Variants in RAB8B observed in about 807,000 individuals in gnomAD.
The protein encoded by RAB8B is ras-related protein Rab-8B.
In RAB8B, 11 loss-of-function variants were observed where a neutral mutation model predicts 32.0. That is an observed-to-expected ratio of 0.34 (90% CI 0.22 to 0.57). The LOEUF (loss-of-function observed/expected upper bound fraction) is 0.57, where lower values mean the gene tolerates loss of function less well. Ranked by LOEUF, RAB8B falls within the 20% of genes least tolerant of loss-of-function variation. The probability of loss-of-function intolerance (pLI) is 0.86; values close to 1 mark genes in which losing one functional copy is unlikely to be tolerated. For synonymous variants in RAB8B, 103 were observed against 89.6 expected (o/e 1.15, Z -0.85); for missense variants, 190 against 258.5 (o/e 0.73, Z 1.82).
Position 63,216,960 on chromosome 15 carries a change from A to G in RAB8B, c.124+27212A>G, listed in dbSNP as rs139255768. ...GTCTCTGTTGCTAACACACTGGGGG[A>G]CTTTTGCTAGAGAGAAGTTGGCCTC... On this transcript the variant is annotated intron_variant, in intron 1 of 7. Coordinates refer to ENST00000321437, the MANE Select transcript of RAB8B (RefSeq NM_016530.3). 6.1e-4 allele frequency among the ~76,000 whole-genome samples: 92 copies of G among 151,364 alleles called. 1 individual carries two copies. The East Asian group carries it at 0.014, about 22-fold the overall frequency.
chr15:63,241,329 A>G (rs1431596668), intron 1 of RAB8B, among the ~76,000 whole-genome samples: 4 of 152,244 alleles, frequency 2.6e-5, no homozygotes, highest in African/African-American at 9.6e-5. Flanking sequence ...AGCCTGCACA[A>G]CAGAAGGAGA....
At chr15:63,251,254 A>G (rs1197665706) in intron 3 of RAB8B, 9 of 455,876 alleles carry the variant, frequency 2.0e-5, no homozygotes, top group South Asian at 1.2e-4. Flanking sequence ...CCAGGAAGAC[A>G]TTTGTTTGTT....
At chr15:63,244,027 G>A (rs1365317603) in intron 1 of RAB8B, among the ~76,000 whole-genome samples, 2 of 152,140 alleles carry the variant, frequency 1.3e-5, no homozygotes, top group Non-Finnish European at 2.9e-5. Context: ...CGTTCATACA[G>A]GCTCCACATG....
intron 1 of RAB8B, among the ~76,000 whole-genome samples, chr15:63,209,956 T>G (rs2037734256): frequency 6.6e-6 from 1 of 152,060 alleles, no homozygotes; most frequent in African/African-American, 2.4e-5. Context: ...TGTGTCCATG[T>G]GTTCTCATTG....
chr15:63,249,520 A>T (rs2038097539), intron 2 of RAB8B, 125 bp from the exon 3 acceptor site: 1 of 825,490 alleles, frequency 1.2e-6, no homozygotes, highest in African/African-American at 1.7e-5. Context: ...TCTGTGTCTC[A>T]TTCTCCTTTC....
chr15:63,223,783 C>T (rs958474603), intron 1 of RAB8B: 8 of 343,646 alleles, frequency 2.3e-5, no homozygotes, highest in Non-Finnish European at 3.5e-5. Flanking sequence ...CTGACTAGAC[C>T]CTGACTGATA....
intron 6 of RAB8B, among the ~76,000 whole-genome samples, chr15:63,261,354 A>G (rs2038202353): frequency 6.6e-6 from 1 of 152,192 alleles, no homozygotes; most frequent in South Asian, 2.1e-4. Flanking sequence ...CACTATGGAG[A>G]ACAATAAAAA....
rs56015501 is a variant in RAB8B, at chr15:63,229,780, C to CAAAAAA, written c.125-14951_125-14946dup. Among the ~76,000 whole-genome samples the CAAAAAA allele has an allele frequency of 7.0e-3, 252 of 35,972 alleles. 96 individuals are homozygous for CAAAAAA. Among genetic ancestry groups the CAAAAAA allele is most frequent in the East Asian group, 0.015 (32 of 2,140 alleles). The allele number at this position is 35,972 out of a possible 152,430, so 23.6% of individuals were successfully genotyped here. A position where few individuals can be genotyped will look rare whatever the true frequency, so the allele number is the denominator to read the frequency against. ...TAGGTGACAGAGCAAGACGCTGTTTCAAAAAAAAAAAAAAAAAAAAAAAAA... is the reference window on the plus strand; with the variant it reads ...TAGGTGACAGAGCAAGACGCTGTTTCAAAAAAAAAAAAAAAAAAAAAAAAAAAAAAA... On this transcript the variant is annotated intron_variant, in intron 1 of 7. Coordinates refer to ENST00000321437, the MANE Select transcript of RAB8B (RefSeq NM_016530.3).
intron 5 of RAB8B, among the ~76,000 whole-genome samples, chr15:63,257,467 G>A (rs1034915499): frequency 3.3e-5 from 5 of 151,744 alleles, no homozygotes; most frequent in African/African-American, 7.3e-5. Flanking sequence ...CGGTTTTGCC[G>A]TGCTGGCCAG....
At chr15:63,255,019 A>G (rs1405002539) in intron 3 of RAB8B, among the ~76,000 whole-genome samples, 1 of 152,252 alleles carries the variant, frequency 6.6e-6, no homozygotes, top group Admixed American at 6.5e-5. Context: ...ATGTACTTAG[A>G]TAAATAGTGA....
chr15:63,239,688 G>C (rs1488023089), intron 1 of RAB8B, among the ~76,000 whole-genome samples: 10 of 152,110 alleles, frequency 6.6e-5, no homozygotes, highest in Admixed American at 6.5e-4. Context: ...GATTACAGGC[G>C]TGAGCCACCG....
rs577197261 is a variant in RAB8B, at chr15:63,216,974, G to A, written c.124+27226G>A. ...CACACTGGGGGACTTTTGCTAGAGA[G>A]AAGTTGGCCTCTGACTAGATGCACA... On this transcript the variant is annotated intron_variant, in intron 1 of 7. Transcript: ENST00000321437. Among the ~76,000 whole-genome samples the A allele has an allele frequency of 6.6e-5, 10 of 152,236 alleles. No individual in the cohort carries two copies. In the South Asian group the frequency reaches 1.7e-3, roughly 25 times the overall value.
At position 63,248,950 on chromosome 15, in the gene RAB8B, A is replaced by G. The variant is rs2038092881; in HGVS notation, c.186-695A>G. ...TAACTTCCTTTATAGGATTGCTTCT[A>G]TAAATGAAATCAGAAACTCTTATAT... On this transcript the variant is annotated intron_variant, in intron 2 of 7. Transcript: ENST00000321437. The surrounding 1 kb of genome is among the most constrained non-coding windows in gnomAD (Gnocchi z 4.4). Among the ~76,000 whole-genome samples the G allele has an allele frequency of 6.6e-6, 1 of 152,234 alleles. No individual in the cohort carries two copies. Among genetic ancestry groups the G allele is most frequent in the Admixed American group, 6.5e-5 (1 of 15,288 alleles).
At chr15:63,253,871 A>G (rs2038138034) in intron 3 of RAB8B, among the ~76,000 whole-genome samples, 1 of 152,124 alleles carries the variant, frequency 6.6e-6, no homozygotes, top group Non-Finnish European at 1.5e-5. Flanking sequence ...GGGCTGGCTG[A>G]CTGGGTTGTA....
In RAB8B at chr15:63,266,341, A is replaced by G. The variant is rs936487376; in HGVS notation, c.*2722A>G. ...AGTAGCATGTAAATCAGTTGATTGT[A>G]AAACGTTTCGCTGGGAACTTATTTT... On this transcript the variant is annotated 3_prime_UTR_variant, in exon 8 of 8. Transcript: ENST00000321437. 8 of 152,606 alleles carry G rather than the reference A, an allele frequency of 5.2e-5. No homozygotes were observed. The highest frequency in any genetic ancestry group is 1.0e-4 in the Non-Finnish European group (7 of 67,992). 9.5% of individuals were successfully genotyped at this position (152,606 alleles called of 1,614,324 possible).
intron 1 of RAB8B, among the ~76,000 whole-genome samples, chr15:63,243,064 C>A (rs181859465): frequency 4.9e-4 from 74 of 152,356 alleles, no homozygotes; most frequent in Admixed American, 5.2e-4. Flanking sequence ...AGTGACAGAT[C>A]ATCAGGCATT....
chr15:63,242,419 A>C (rs1567018289), intron 1 of RAB8B, among the ~76,000 whole-genome samples: 1 of 152,160 alleles, frequency 6.6e-6, no homozygotes, highest in South Asian at 2.1e-4. Context: ...TCACGCCTAT[A>C]ATCCTAACAC....
intron 1 of RAB8B, among the ~76,000 whole-genome samples, chr15:63,215,533 A>G (rs1328472456): frequency 6.6e-6 from 1 of 152,244 alleles, no homozygotes; most frequent in Non-Finnish European, 1.5e-5. Context: ...AGACTTCGCT[A>G]CTTGTAAATG....
chr15:63,221,994 C>T (rs141773672), intron 1 of RAB8B, among the ~76,000 whole-genome samples: 7 of 152,160 alleles, frequency 4.6e-5, no homozygotes, highest in Non-Finnish European at 8.8e-5. Context: ...GGTCAGTTTT[C>T]TCTAATATTC....
Sources: gnomAD v4.1 joint callset for allele counts (sites outside exome capture counted in the v4.1 genomes callset) on GRCh38, gnomAD v4.1.1 for gene constraint, Gnocchi (gnomAD v3.1) non-coding constraint, MANE v1.5 for transcripts, NCBI Gene and HGNC (gene_info 2026-07-23, HGNC 2026-07-21) for gene names.